The following UBE2G1 variants were observed in gnomAD, a reference collection of about 807,000 sequenced individuals.
The protein encoded by UBE2G1 is ubiquitin-conjugating enzyme E2 G1.
A neutral mutation model predicts 22.7 loss-of-function variants in UBE2G1; 5 were observed. The ratio of observed to expected loss-of-function variants is 0.22; its 90% CI spans 0.12 to 0.46. The LOEUF is 0.46. Among genes scored for constraint, UBE2G1 ranks in the 20% least tolerant of loss-of-function variants. The pLI is 0.99. For synonymous variants in UBE2G1, 74 were observed against 67.5 expected (o/e 1.10, Z -0.47); for missense variants, 88 against 203.9 (o/e 0.43, Z 3.46).
chr17:4,292,775 C>T (rs1177657733), intron 3 of UBE2G1, among the ~76,000 whole-genome samples: 3 of 152,124 alleles, frequency 2.0e-5, no homozygotes, highest in South Asian at 2.1e-4. Context: ...CTATATTTTC[C>T]GTAGGAAAAC....
chr17:4,282,876 C>A lies in UBE2G1; in HGVS notation c.472G>T (p.Ala158Ser). Reference sequence around the variant, plus strand: ...TCTTGGCTTTTTCTTACACAGCGGGCAACTTTTCTTTTAAATTCTCCATTT... The same window carrying A: ...TCTTGGCTTTTTCTTACACAGCGGGAAACTTTTCTTTTAAATTCTCCATTT... ...DRNGEFKRKVARCVRKSQETA... is the reference protein window; with the variant it reads ...DRNGEFKRKVSRCVRKSQETA... The change falls in exon 5 of 6, where the codon GCC becomes TCC. Residue 158 changes from alanine (A) to serine (S), a missense_variant. Transcript: ENST00000396981. 1.9e-6 allele frequency: 3 copies of A among 1,613,366 alleles called. No individual in the cohort carries two copies. Among genetic ancestry groups the A allele is most frequent in the Non-Finnish European group, 2.5e-6 (3 of 1,179,712 alleles).
intron 5 of UBE2G1, among the ~76,000 whole-genome samples, chr17:4,273,514 A>G (rs906862731): frequency 6.6e-6 from 1 of 150,820 alleles, no homozygotes; most frequent in Non-Finnish European, 1.5e-5. Flanking sequence ...ATAATTTTTA[A>G]TTTTTTTTTG....
At chr17:4,356,049 TAA>T (rs746982860) in intron 1 of UBE2G1, among the ~76,000 whole-genome samples, 3,623 of 99,026 alleles carry the variant, frequency 0.037, 208 homozygotes, top group African/African-American at 0.12. Context: ...TGTTTCACTT[TAA>T]AAAAAAAAAA....
At chr17:4,345,651 T>C (rs1969759262) in intron 1 of UBE2G1, 1 of 152,224 alleles carries the variant, frequency 6.6e-6, no homozygotes, top group African/African-American at 2.4e-5. Flanking sequence ...TTAGTCATAG[T>C]AACGAGAGAT....
intron 2 of UBE2G1, among the ~76,000 whole-genome samples, chr17:4,297,298 T>C (rs1436845555): frequency 6.6e-6 from 1 of 152,206 alleles, no homozygotes; most frequent in African/African-American, 2.4e-5. Flanking sequence ...CATTTATTCA[T>C]TTCATCATTT....
At chr17:4,293,124 AC>A (rs760424402) in intron 3 of UBE2G1, among the ~76,000 whole-genome samples, 23 of 152,230 alleles carry the variant, frequency 1.5e-4, no homozygotes, top group Admixed American at 2.6e-4. Context: ...CCAGTTAGCA[AC>A]CATTCCTCAA....
At chr17:4,346,584 C>T (rs188828135) in intron 1 of UBE2G1, among the ~76,000 whole-genome samples, 1 of 151,796 alleles carries the variant, frequency 6.6e-6, no homozygotes, top group African/African-American at 2.4e-5. Context: ...TATAGGTGTG[C>T]ACCACCATGC....
chr17:4,300,019 G>T (rs1969156770), intron 2 of UBE2G1, among the ~76,000 whole-genome samples: 2 of 151,022 alleles, frequency 1.3e-5, no homozygotes, highest in South Asian at 2.1e-4. Context: ...TAGAGACGGG[G>T]TTTCACTATG....
intron 2 of UBE2G1, chr17:4,301,846 G>T: frequency 2.0e-6 from 1 of 511,130 alleles, no homozygotes; most frequent in East Asian, 4.8e-5. Flanking sequence ...TTGGAAGTAC[G>T]GTAAACATGA....
At chr17:4,306,220 C>T (rs1969247517) in intron 2 of UBE2G1, among the ~76,000 whole-genome samples, 1 of 152,182 alleles carries the variant, frequency 6.6e-6, no homozygotes, top group Admixed American at 6.5e-5. Flanking sequence ...TCTTAAAACA[C>T]TGATGTGTGT....
At chr17:4,311,119 G>A (rs1051572844) in intron 1 of UBE2G1, among the ~76,000 whole-genome samples, 5 of 152,000 alleles carry the variant, frequency 3.3e-5, no homozygotes, top group Non-Finnish European at 5.9e-5. Context: ...CCAGCTACTC[G>A]GGGAGGCTGA....
intron 1 of UBE2G1, among the ~76,000 whole-genome samples, chr17:4,336,134 T>A (rs1299985925): frequency 6.6e-6 from 1 of 151,902 alleles, no homozygotes; most frequent in Non-Finnish European, 1.5e-5. Context: ...GCGACAGAGC[T>A]AGACTGTCTC....
chr17:4,298,537 C>CA (rs551778674), intron 2 of UBE2G1, among the ~76,000 whole-genome samples: 72 of 151,988 alleles, frequency 4.7e-4, no homozygotes, highest in African/African-American at 1.6e-3. Flanking sequence ...GGGGAAGGTG[C>CA]AGATTAAGTT....
At position 4,289,079 on chromosome 17, in the gene UBE2G1, GTCAAAAA is replaced by G. The variant is rs890879454; in HGVS notation, c.426+144_426+150del. On this transcript the variant is annotated intron_variant, in intron 4 of 5. Coordinates refer to ENST00000396981, the MANE Select transcript of UBE2G1 (RefSeq NM_003342.5). ...ATACGTAAATAAATATATTTATTTT[GTCAAAAA>G]TAAGAACTATGGGAAGAGATACACA... 8.9e-6 allele frequency: 5 copies of G among 564,946 alleles called. No homozygotes were observed. The African/African-American group carries it at 1.0e-4, about 12-fold the overall frequency. The allele number at this position is 564,946 out of a possible 1,614,324, so 35.0% of individuals were successfully genotyped here.
At chr17:4,330,743 A>C (rs943541136) in intron 1 of UBE2G1, among the ~76,000 whole-genome samples, 1 of 151,628 alleles carries the variant, frequency 6.6e-6, no homozygotes, top group Non-Finnish European at 1.5e-5. Context: ...ATCTCAAATA[A>C]ATAAAATATA....
chr17:4,311,483 A>T (rs1028734577), intron 1 of UBE2G1, among the ~76,000 whole-genome samples: 2 of 152,242 alleles, frequency 1.3e-5, no homozygotes, highest in African/African-American at 4.8e-5. Context: ...AAAGAAATGA[A>T]GTACTAATAT....
chr17:4,362,763 G>A (rs978921989), intron 1 of UBE2G1, among the ~76,000 whole-genome samples: 1 of 152,118 alleles, frequency 6.6e-6, no homozygotes, highest in East Asian at 1.9e-4. Context: ...GGGGCCGCAG[G>A]GGGCAGCAGA....
intron 1 of UBE2G1, among the ~76,000 whole-genome samples, chr17:4,311,659 G>A (rs147600589): frequency 6.6e-6 from 1 of 152,336 alleles, no homozygotes; most frequent in Admixed American, 6.5e-5. Flanking sequence ...AAGGGGTATA[G>A]GGATGGCGAT....
At chr17:4,308,151 T>C (rs1400909638) in intron 1 of UBE2G1, among the ~76,000 whole-genome samples, 2 of 152,060 alleles carry the variant, frequency 1.3e-5, no homozygotes, top group Non-Finnish European at 2.9e-5. Flanking sequence ...GTCGAGAGTT[T>C]GAGACCAGAC....
Sources: allele counts gnomAD v4.1 joint callset (sites outside exome capture counted in the v4.1 genomes callset), GRCh38; gene constraint gnomAD v4.1.1; transcripts MANE v1.5; gene names NCBI Gene and HGNC (gene_info 2026-07-23, HGNC 2026-07-21).